Variants in MON2 observed in about 807,000 individuals in gnomAD.
MON2 encodes the protein MON2 regulator of endosome-to-Golgi trafficking, also known as protein MON2 homolog.
Under a neutral mutation model 208.6 loss-of-function variants are expected in MON2, and 84 were observed. The observed-to-expected ratio is 0.40, with a 90% CI of 0.34 to 0.48. The LOEUF is 0.48. Ranked by LOEUF, MON2 falls within the 20% of genes least tolerant of loss-of-function variation. MON2 has a pLI of 0.59. For missense variants in MON2, 1,611 were observed against 2,015.4 expected (o/e 0.80, Z 3.84); for synonymous variants, 660 against 694.0 (o/e 0.95, Z 0.77).
intron 20 of MON2, 46 bp downstream of exon 20, chr12:62,543,244 G>T: frequency 9.7e-7 from 1 of 1,030,692 alleles, no homozygotes; most frequent in Non-Finnish European, 1.4e-6. Context: ...ATAAACATTT[G>T]CACACTGAGC....
At chr12:62,558,129 C>A (rs2074064129) in intron 25 of MON2, among the ~76,000 whole-genome samples, 1 of 150,846 alleles carries the variant, frequency 6.6e-6, no homozygotes, top group African/African-American at 2.4e-5. Context: ...CAGGCATGCG[C>A]CACCATGCCC....
rs116004388 is a variant in MON2, at chr12:62,512,677, C to T, written c.984+4197C>T. ...TGAATCTGTCATTCTGGTGTCTGGA[C>T]GGTGGCCCTCTTCTCACAGCTCCAC... On this transcript the variant is annotated intron_variant, in intron 8 of 34. Coordinates refer to ENST00000393630, the MANE Select transcript of MON2 (RefSeq NM_015026.3). Among the ~76,000 whole-genome samples, 451 of 152,210 alleles carry T rather than the reference C, an allele frequency of 3.0e-3. 3 individuals are homozygous for T. The highest frequency in any genetic ancestry group is 0.01 in the African/African-American group (416 of 41,534).
chr12:62,552,612 G>T (rs1039696816), intron 23 of MON2, among the ~76,000 whole-genome samples: 2 of 150,826 alleles, frequency 1.3e-5, no homozygotes, highest in East Asian at 3.9e-4. Flanking sequence ...ACTATTCTTG[G>T]TTTTTTGTAT....
In MON2 at chr12:62,594,310, G is replaced by C. The variant is rs2075475883; in HGVS notation, c.*1561G>C. 1 of 152,082 alleles carries C rather than the reference G, an allele frequency of 6.6e-6. No homozygotes were observed. The highest frequency in any genetic ancestry group is 2.1e-4 in the South Asian group (1 of 4,832). 9.4% of individuals were successfully genotyped at this position (152,082 alleles called of 1,614,324 possible). On this transcript the variant is annotated 3_prime_UTR_variant, in exon 35 of 35. Coordinates refer to ENST00000393630, the MANE Select transcript of MON2 (RefSeq NM_015026.3). ...ATACAGTTTTGAGGCTATTATAATT[G>C]TATAATTATTTAATTTGCATTATCT...
chr12:62,558,828 C>T (rs922779244), intron 25 of MON2, among the ~76,000 whole-genome samples: 6 of 151,722 alleles, frequency 4.0e-5, no homozygotes, highest in Non-Finnish European at 7.4e-5. Flanking sequence ...CTCTGAGTAG[C>T]TGGGATTACA....
intron 8 of MON2, among the ~76,000 whole-genome samples, chr12:62,513,387 G>T (rs766374733): frequency 2.0e-5 from 3 of 151,768 alleles, no homozygotes; most frequent in African/African-American, 7.3e-5. Context: ...CCCCACACCC[G>T]GCTAATTTTT....
At chr12:62,480,190 C>A (rs2069331029) in intron 1 of MON2, among the ~76,000 whole-genome samples, 1 of 152,174 alleles carries the variant, frequency 6.6e-6, no homozygotes, top group African/African-American at 2.4e-5. Context: ...AACAAACAGT[C>A]CTTTTGGCAA....
At chr12:62,494,937 T>G in intron 3 of MON2, 79 bp from the exon 4 acceptor site, 1 of 1,051,288 alleles carries the variant, frequency 9.5e-7, no homozygotes, top group East Asian at 2.6e-5. Context: ...CTGATGTAGG[T>G]TTGTATACCT....
At chr12:62,581,133 A>G (rs1168609041) in intron 32 of MON2, among the ~76,000 whole-genome samples, 1 of 152,254 alleles carries the variant, frequency 6.6e-6, no homozygotes, top group East Asian at 1.9e-4. Context: ...ATTCATGCTT[A>G]AAAAGAACTA....
intron 1 of MON2, 109 bp downstream of exon 1, chr12:62,467,427 T>C: frequency 1.2e-6 from 1 of 853,348 alleles, no homozygotes; most frequent in Non-Finnish European, 1.9e-6. Flanking sequence ...GCCTCACCTT[T>C]CCAGATTTGT....
chr12:62,482,170 G>C (rs2069484616), intron 1 of MON2, among the ~76,000 whole-genome samples: 1 of 152,180 alleles, frequency 6.6e-6, no homozygotes, highest in Admixed American at 6.5e-5. Flanking sequence ...ACATCTCTGG[G>C]TAAGCATAGG....
rs141223404 is a variant in MON2 at position 62,578,770 on chromosome 12, C to T, written c.4575+265C>T. Among the ~76,000 whole-genome samples the T allele has an allele frequency of 1.3e-3, 204 of 152,146 alleles. 2 individuals carry two copies. Among genetic ancestry groups the T allele is most frequent in the African/African-American group, 4.5e-3 (188 of 41,506 alleles). ...TTAATAAGTTTAAAAAGAGTTTATT[C>T]GATGAAATAAATCCATCAGTCAGGA... is the stretch of plus-strand genomic sequence containing the variant. On this transcript the variant is annotated intron_variant, in intron 31 of 34. Coordinates refer to ENST00000393630, the MANE Select transcript of MON2 (RefSeq NM_015026.3).
intron 8 of MON2, among the ~76,000 whole-genome samples, chr12:62,514,590 G>A (rs1315131645): frequency 6.6e-6 from 1 of 152,112 alleles, no homozygotes; most frequent in Non-Finnish European, 1.5e-5. Context: ...GCATGAGAAA[G>A]ACCTGTCCCC....
Position 62,560,906 on chromosome 12 carries a change from T to C in MON2, c.3825T>C (p.Ala1275=). 1 of 1,613,972 alleles carries C rather than the reference T, an allele frequency of 6.2e-7. No individual in the cohort carries two copies. Among genetic ancestry groups the C allele is most frequent in the South Asian group, 1.1e-5 (1 of 91,080 alleles). ...TTCCTAGCCAGCCTTTTCTTACAGC[T>C]TTAATTCAGATATTTCCAGCTCTCT... ...TFIPSQPFLT[A]LIQIFPALYQ... Residue 1275 remains alanine, a synonymous_variant, in exon 26 of 35, where the codon GCT becomes GCC. Coordinates refer to ENST00000393630, the MANE Select transcript of MON2 (RefSeq NM_015026.3).
At chr12:62,576,678 A>G (rs78924616) in intron 30 of MON2, among the ~76,000 whole-genome samples, 2,762 of 152,036 alleles carry the variant, frequency 0.018, 87 homozygotes, top group African/African-American at 0.063. Context: ...ATTGCCCCTT[A>G]TAATTTATAG....
In MON2 at chr12:62,466,867, G is replaced by A; in HGVS notation, c.-341G>A. 2.2e-6 allele frequency: 1 copy of A among 454,664 alleles called. No individual in the cohort carries two copies. The highest frequency in any genetic ancestry group is 3.5e-5 in the East Asian group (1 of 28,906). The allele number at this position is 454,664 out of a possible 1,614,324, so 28.2% of individuals were successfully genotyped here. On this transcript the variant is annotated 5_prime_UTR_variant, in exon 1 of 35. Transcript: ENST00000393630. ...TCGGCGAGTCTTAGGGGCCTGGGGA[G>A]CTGGCGCTGAAGCTTCTTGCCAGGT...
chr12:62,495,248 T>C (rs781570026), intron 4 of MON2, 101 bp downstream of exon 4: 11 of 995,804 alleles, frequency 1.1e-5, no homozygotes, highest in Non-Finnish European at 1.6e-5. Context: ...CAAAAGCAAC[T>C]TCCCTACAGC....
At chr12:62,565,115 G>A in intron 26 of MON2, 122 bp from the exon 27 acceptor site, 1 of 932,570 alleles carries the variant, frequency 1.1e-6, no homozygotes, top group Non-Finnish European at 1.6e-6. Context: ...GCTCAGAAAA[G>A]ATGGTATAAT....
rs994170744 is a variant in MON2, at chr12:62,503,290, A to G, written c.789+1592A>G. ...TGGGATTTGAACTCATGTTGATCCAAATTAGTTTCTCTCTGTATCCTCTCT... is the reference window on the plus strand; with the variant it reads ...TGGGATTTGAACTCATGTTGATCCAGATTAGTTTCTCTCTGTATCCTCTCT... On this transcript the variant is annotated intron_variant, in intron 7 of 34. Transcript: ENST00000393630. Among the ~76,000 whole-genome samples, 5 of 152,212 alleles carry G rather than the reference A, an allele frequency of 3.3e-5. No homozygotes were observed. The East Asian group carries it at 5.8e-4, about 18-fold the overall frequency.
Sources: allele counts gnomAD v4.1 joint callset (sites outside exome capture counted in the v4.1 genomes callset), GRCh38; gene constraint gnomAD v4.1.1; transcripts MANE v1.5; gene names NCBI Gene and HGNC (gene_info 2026-07-23, HGNC 2026-07-21).